Variants in PPP1R26 observed in about 807,000 individuals in gnomAD.
The protein encoded by PPP1R26 is 1A6/DRIM (down-regulated in metastasis) interacting protein.
In PPP1R26, 22 loss-of-function variants were observed where a neutral mutation model predicts 67.6. That is an observed-to-expected ratio of 0.33 (90% CI 0.23 to 0.46). The LOEUF is 0.46. Ranked by LOEUF, PPP1R26 falls within the 20% of genes least tolerant of loss-of-function variation. The pLI, the probability that PPP1R26 is intolerant of heterozygous loss-of-function variation, is 1.00. For missense variants in PPP1R26, 1,602 were observed against 1,651.4 expected, an observed-to-expected ratio of 0.97 and a Z score of 0.52; for synonymous variants, 729 against 717.2, an observed-to-expected ratio of 1.02 and a Z score of -0.26.
chr9:135,485,183 A>C lies in PPP1R26; in HGVS notation c.673A>C (p.Ser225Arg). ...GAGCAGCGATGACTCCTTCGAGCAG[A>C]GCATCAGGGCGGAAATAGAACAGTT... ...SVSSDDSFEQSIRAEIEQFLN... is the reference protein window; with the variant it reads ...SVSSDDSFEQRIRAEIEQFLN... Residue 225 changes from serine (S) to arginine (R), a missense_variant, in exon 4 of 4, where the codon AGC (serine) becomes CGC (arginine). Ser to Arg is a moderately radical substitution (Grantham distance 110, BLOSUM62 -1). Transcript: ENST00000356818. This position sits in a 1 kb window ranked among gnomAD's most constrained non-coding sequence, Gnocchi z 7.2. The C allele has an allele frequency of 6.2e-7, 1 of 1,612,884 alleles. No individual in the cohort carries two copies. Among genetic ancestry groups the C allele is most frequent in the Non-Finnish European group, 8.5e-7 (1 of 1,179,856 alleles).
Position 135,485,103 on chromosome 9 carries a change from C to T in PPP1R26, c.593C>T (p.Pro198Leu). 6.2e-7 allele frequency: 1 copy of T among 1,612,570 alleles called. No homozygotes were observed. Among genetic ancestry groups the T allele is most frequent in the Non-Finnish European group, 8.5e-7 (1 of 1,179,766 alleles). Reference protein sequence around the residue: ...PKLVPGSGGGPGSQVGSSKDQ... With the variant: ...PKLVPGSGGGLGSQVGSSKDQ... The stretch of plus-strand genomic sequence containing the variant: ...CTTGTACCTGGATCAGGTGGTGGCC[C>T]CGGCAGCCAGGTGGGATCCAGCAAG... Residue 198 changes from proline (P) to leucine (L), a missense_variant, in exon 4 of 4, where the codon CCC becomes CTC. By Grantham distance (98) the Pro-to-Leu change is moderately conservative (BLOSUM62 -3). Around this residue, in one of 5 missense-constraint regions of PPP1R26, gnomAD observed 680 missense variants for 726.1 expected, o/e 0.94. Coordinates refer to ENST00000356818, the MANE Select transcript of PPP1R26 (RefSeq NM_014811.5). The surrounding 1 kb of genome is among the most constrained non-coding windows in gnomAD (Gnocchi z 7.2).
Position 135,486,800 on chromosome 9 carries a change from G to T in PPP1R26, c.2290G>T (p.Gly764Cys). Residue 764 changes from glycine (G) to cysteine (C), a missense_variant, in exon 4 of 4, where the codon GGT (glycine) becomes TGT (cysteine). Around this residue, in one of 5 missense-constraint regions of PPP1R26, gnomAD observed 740 missense variants for 696.3 expected, o/e 1.06. Coordinates refer to ENST00000356818, the MANE Select transcript of PPP1R26 (RefSeq NM_014811.5). The surrounding 1 kb of genome is among the most constrained non-coding windows in gnomAD (Gnocchi z 6.2). ...LSKSKRDSGE[G>C]PGKKPPSVFG... ...CAAGTCCAAGAGAGACAGTGGCGAG[G>T]GTCCTGGGAAGAAACCCCCCAGTGT... 1 of 1,601,948 alleles carries T rather than the reference G, an allele frequency of 6.2e-7. No individual in the cohort carries two copies. The highest frequency in any genetic ancestry group is 2.3e-5 in the East Asian group (1 of 44,440).
rs550183464 is a variant in PPP1R26 at position 135,488,152 on chromosome 9, G to C, written c.*12G>C. On this transcript the variant is annotated 3_prime_UTR_variant, in exon 4 of 4. Coordinates refer to ENST00000356818, the MANE Select transcript of PPP1R26 (RefSeq NM_014811.5). ...TAGTGAAGGTCTAAGCCCTCGAGCTGTGGGTTCGCGTCCTGGGTTGCGTGC... is the reference window on the plus strand; with the variant it reads ...TAGTGAAGGTCTAAGCCCTCGAGCTCTGGGTTCGCGTCCTGGGTTGCGTGC... 6.7e-6 allele frequency: 10 copies of C among 1,497,288 alleles called. No individual in the cohort carries two copies. The African/African-American group carries it at 1.4e-4, about 21-fold the overall frequency. 92.8% of individuals were successfully genotyped at this position (1,497,288 alleles called of 1,614,324 possible).
At chr9:135,481,316 C>T (rs1044146798) in intron 1 of PPP1R26, among the ~76,000 whole-genome samples, 3 of 149,622 alleles carry the variant, frequency 2.0e-5, no homozygotes, top group Non-Finnish European at 4.4e-5. Flanking sequence ...TCTCGGCTCA[C>T]TGTAATCTCC....
chr9:135,482,167 A>T (rs1421976078), intron 1 of PPP1R26, among the ~76,000 whole-genome samples: 1 of 152,246 alleles, frequency 6.6e-6, no homozygotes, highest in African/African-American at 2.4e-5. Flanking sequence ...AGGAGTCAAT[A>T]GTCTTAATTT....
chr9:135,486,418 C>T lies in PPP1R26; in HGVS notation c.1908C>T (p.Asp636=). The T allele has an allele frequency of 1.9e-6, 3 of 1,613,078 alleles. No homozygotes were observed. Among genetic ancestry groups the T allele is most frequent in the Non-Finnish European group, 2.5e-6 (3 of 1,179,854 alleles). The part of the protein sequence containing the change: ...GRAEPGHERR[D]LPIQGKASEA... Reference sequence around the variant, plus strand: ...CTGAGCCCGGCCATGAGAGGCGAGACCTGCCCATCCAGGGCAAAGCCAGTG... The same window carrying T: ...CTGAGCCCGGCCATGAGAGGCGAGATCTGCCCATCCAGGGCAAAGCCAGTG... Residue 636 remains aspartate, a synonymous_variant, in exon 4 of 4, where the codon GAC becomes GAT. Transcript: ENST00000356818. The surrounding 1 kb of genome is among the most constrained non-coding windows in gnomAD (Gnocchi z 6.2).
chr9:135,487,103 G>C lies in PPP1R26; in HGVS notation c.2593G>C (p.Ala865Pro). The change falls in exon 4 of 4, where the codon GCT becomes CCT. Residue 865 changes from alanine to proline, a missense_variant. Around this residue, in one of 5 missense-constraint regions of PPP1R26, gnomAD observed 740 missense variants for 696.3 expected, o/e 1.06. Transcript: ENST00000356818. ...AGAAGTTCAGGCAGAGGGCCCCACC[G>C]CTCTTGGGACAGGGGGCCCAGCCAG... ...SSEVQAEGPT[A>P]LGTGGPARPE... is the part of the protein sequence containing the mutation. The C allele has an allele frequency of 6.2e-7, 1 of 1,611,548 alleles. No homozygotes were observed. Among genetic ancestry groups the C allele is most frequent in the South Asian group, 1.1e-5 (1 of 91,006 alleles).
chr9:135,487,325 C>T lies in PPP1R26; in HGVS notation c.2815C>T (p.Pro939Ser), dbSNP rs748442143. 7 of 1,555,568 alleles carry T rather than the reference C, an allele frequency of 4.5e-6. No homozygotes were observed. Among genetic ancestry groups the T allele is most frequent in the Non-Finnish European group, 6.1e-6 (7 of 1,152,930 alleles). Residue 939 changes from proline (P) to serine (S), a missense_variant, in exon 4 of 4, where the codon CCC becomes TCC. Coordinates refer to ENST00000356818, the MANE Select transcript of PPP1R26 (RefSeq NM_014811.5). ...AAPARGDPVP[P>S]RSTSGGVSAK... ...TCCTGCCCGAGGGGATCCGGTGCCG[C>T]CCAGGAGCACCAGCGGCGGTGTCTC...
In PPP1R26 at chr9:135,485,376, T is replaced by C. The variant is rs780369383; in HGVS notation, c.866T>C (p.Phe289Ser). The part of the protein sequence containing the change: ...GLLGVQKEFA[F>S]RKPPRLAKMN... ...CTGGGCGTCCAGAAGGAGTTTGCCT[T>C]CCGCAAACCTCCCCGGTTAGCGAAG... is the stretch of plus-strand genomic sequence containing the variant. Residue 289 changes from phenylalanine (F) to serine (S), a missense_variant, in exon 4 of 4, where the codon TTC becomes TCC. This residue lies in a region of PPP1R26 where 680 missense variants were observed against 726.1 expected (regional missense o/e 0.94). Coordinates refer to ENST00000356818, the MANE Select transcript of PPP1R26 (RefSeq NM_014811.5). This position sits in a 1 kb window ranked among gnomAD's most constrained non-coding sequence, Gnocchi z 7.2. 2 of 1,612,726 alleles carry C rather than the reference T, an allele frequency of 1.2e-6. No homozygotes were observed. Among genetic ancestry groups the C allele is most frequent in the Non-Finnish European group, 1.7e-6 (2 of 1,179,976 alleles).
chr9:135,482,738 T>G lies in PPP1R26; in HGVS notation c.-273T>G. On this transcript the variant is annotated 5_prime_UTR_variant, in exon 2 of 4. An upstream start codon of the reference 5' UTR is lost. Transcript: ENST00000356818. The stretch of plus-strand genomic sequence containing the variant: ...ATGCCTCGGTGTGTAAGTGGAGTGA[T>G]GAGGACCTGATCTCTGGGCCGTGTG... 1 of 398,610 alleles carries G rather than the reference T, an allele frequency of 2.5e-6. No homozygotes were observed. Among genetic ancestry groups the G allele is most frequent in the Non-Finnish European group, 4.4e-6 (1 of 226,072 alleles). 24.7% of individuals were successfully genotyped at this position (398,610 alleles called of 1,614,324 possible).
At chr9:135,481,570 G>A (rs1040679184) in intron 1 of PPP1R26, among the ~76,000 whole-genome samples, 1 of 151,000 alleles carries the variant, frequency 6.6e-6, no homozygotes, top group Admixed American at 6.6e-5. Flanking sequence ...GATTCATCTC[G>A]CATAATGTTT....
At position 135,485,030 on chromosome 9, in the gene PPP1R26, C is replaced by A; in HGVS notation, c.520C>A (p.Pro174Thr). The stretch of plus-strand genomic sequence containing the variant: ...CGCAGGCGGAGGCAGTAGATGTAAG[C>A]CGGAACCGGCTCACGGCAGTGCCCC... ...RAAGGGSRCK[P>T]EPAHGSAPTA... is the part of the protein sequence containing the mutation. The change falls in exon 4 of 4, where the codon CCG becomes ACG. Residue 174 changes from proline (P) to threonine (T), a missense_variant. Transcript: ENST00000356818. This position sits in a 1 kb window ranked among gnomAD's most constrained non-coding sequence, Gnocchi z 7.2. 1 of 1,593,750 alleles carries A rather than the reference C, an allele frequency of 6.3e-7. No homozygotes were observed. The highest frequency in any genetic ancestry group is 8.5e-7 in the Non-Finnish European group (1 of 1,171,136).
At position 135,485,486 on chromosome 9, in the gene PPP1R26, C is replaced by T. The variant is rs150290969; in HGVS notation, c.976C>T (p.Arg326Cys). 1.4e-4 allele frequency: 227 copies of T among 1,613,040 alleles called. 2 individuals carry two copies. The Admixed American group carries it at 1.8e-3, about 13-fold the overall frequency. The change falls in exon 4 of 4, where the codon CGC (arginine) becomes TGC (cysteine). Residue 326 changes from arginine to cysteine, a missense_variant. Physicochemically the swap from Arg to Cys is radical, Grantham distance 180 (BLOSUM62 -3). This residue lies in a region of PPP1R26 where 680 missense variants were observed against 726.1 expected (regional missense o/e 0.94). Coordinates refer to ENST00000356818, the MANE Select transcript of PPP1R26 (RefSeq NM_014811.5). This position sits in a 1 kb window ranked among gnomAD's most constrained non-coding sequence, Gnocchi z 7.2. ...CAGCACGAAGCCGGCAACCCCCTGC[C>T]GCCCTTCAGAAGCAGCACAGAATAA... ...EGSTKPATPC[R>C]PSEAAQNKGG...
In PPP1R26 at chr9:135,487,709, G is replaced by A. The variant is rs762400688; in HGVS notation, c.3199G>A (p.Ala1067Thr). 1.7e-5 allele frequency: 24 copies of A among 1,450,200 alleles called. No individual in the cohort carries two copies. Among genetic ancestry groups the A allele is most frequent in the African/African-American group, 4.3e-5 (3 of 69,990 alleles). The allele number at this position is 1,450,200 out of a possible 1,614,324, so 89.8% of individuals were successfully genotyped here. A position where few individuals can be genotyped will look rare whatever the true frequency, so the allele number is the denominator to read the frequency against. The part of the protein sequence containing the change: ...SERDKGSEGP[A>T]RGLPSLPLAG... ...GAGAGACAAGGGGTCCGAGGGCCCC[G>A]CCCGGGGCCTGCCCAGCCTGCCCCT... The change falls in exon 4 of 4, where the codon GCC becomes ACC. Residue 1067 changes from alanine (A) to threonine (T), a missense_variant. Physicochemically the swap from Ala to Thr is moderately conservative, Grantham distance 58 (BLOSUM62 0). Around this residue, in one of 5 missense-constraint regions of PPP1R26, gnomAD observed 740 missense variants for 696.3 expected, o/e 1.06. Coordinates refer to ENST00000356818, the MANE Select transcript of PPP1R26 (RefSeq NM_014811.5).
rs770114558 is a variant in PPP1R26 at position 135,487,955 on chromosome 9, G to T, written c.3445G>T (p.Ala1149Ser). The part of the protein sequence containing the change: ...KDGGPWPTRK[A>S]QAGLSLHDRR... ...CGGCGGCCCCTGGCCAACCAGGAAG[G>T]CACAGGCAGGGCTGAGTTTGCATGA... The change falls in exon 4 of 4, where the codon GCA (alanine) becomes TCA (serine). Residue 1149 changes from alanine (A) to serine (S), a missense_variant. Around this residue, in one of 5 missense-constraint regions of PPP1R26, gnomAD observed 740 missense variants for 696.3 expected, o/e 1.06. Transcript: ENST00000356818. The T allele has an allele frequency of 1.9e-6, 3 of 1,598,464 alleles. No homozygotes were observed. The highest frequency in any genetic ancestry group is 2.6e-6 in the Non-Finnish European group (3 of 1,173,896).
intron 1 of PPP1R26, among the ~76,000 whole-genome samples, chr9:135,481,723 A>T (rs1225774554): frequency 6.6e-6 from 1 of 151,724 alleles, no homozygotes; most frequent in Non-Finnish European, 1.5e-5. Context: ...GGTTCAAGCA[A>T]TTCTCCTGTC....
In PPP1R26 at chr9:135,487,235, G is replaced by A. The variant is rs752711822; in HGVS notation, c.2725G>A (p.Glu909Lys). The A allele has an allele frequency of 1.6e-5, 25 of 1,579,850 alleles. No homozygotes were observed. The highest frequency in any genetic ancestry group is 2.0e-5 in the Non-Finnish European group (23 of 1,164,958). The change falls in exon 4 of 4, where the codon GAG (glutamate) becomes AAG (lysine). Residue 909 changes from glutamate (E) to lysine (K), a missense_variant. Glu to Lys is a moderately conservative substitution (Grantham distance 56). Coordinates refer to ENST00000356818, the MANE Select transcript of PPP1R26 (RefSeq NM_014811.5). Reference sequence around the variant, plus strand: ...TCTGGCCGAAGGGCTTCGAGGCACAGAGAGCGCAGGAGCACAGGGCACAGC... The same window carrying A: ...TCTGGCCGAAGGGCTTCGAGGCACAAAGAGCGCAGGAGCACAGGGCACAGC... ...PHLAEGLRGT[E>K]SAGAQGTAGL...
At position 135,484,470 on chromosome 9, in the gene PPP1R26, T is replaced by G. The variant is rs1252946709; in HGVS notation, c.-41T>G. 6.8e-7 allele frequency: 1 copy of G among 1,468,044 alleles called. No homozygotes were observed. The highest frequency in any genetic ancestry group is 1.4e-5 in the African/African-American group (1 of 70,506). The allele number at this position is 1,468,044 out of a possible 1,614,324, so 90.9% of individuals were successfully genotyped here. ...CCAGGATGTGAAGCCGGTAGAGAAA[T>G]AAAGCATCGCCCCTCTGCGCGCCCC... On this transcript the variant is annotated 5_prime_UTR_variant, in exon 4 of 4. Coordinates refer to ENST00000356818, the MANE Select transcript of PPP1R26 (RefSeq NM_014811.5).
Position 135,487,633 on chromosome 9 carries a change from G to A in PPP1R26, c.3123G>A (p.Val1041=). Reference sequence around the variant, plus strand: ...AGAGTCGGCTGCCCAGCCCGTGGGTGCTGCGCTCCGAAGGCAGAGATGCAG... The same window carrying A: ...AGAGTCGGCTGCCCAGCCCGTGGGTACTGCGCTCCGAAGGCAGAGATGCAG... ...AHQSRLPSPW[V]LRSEGRDAVW... Residue 1041 remains valine (V), a synonymous_variant, in exon 4 of 4, where the codon GTG becomes GTA. Coordinates refer to ENST00000356818, the MANE Select transcript of PPP1R26 (RefSeq NM_014811.5). 2.7e-6 allele frequency: 4 copies of A among 1,479,866 alleles called. No homozygotes were observed. The highest frequency in any genetic ancestry group is 3.6e-6 in the Non-Finnish European group (4 of 1,115,018). The allele number at this position is 1,479,866 out of a possible 1,614,324, so 91.7% of individuals were successfully genotyped here.
Sources: gnomAD v4.1 joint callset for allele counts (sites outside exome capture counted in the v4.1 genomes callset) on GRCh38, gnomAD v4.1.1 for gene constraint, gnomAD v4.1.1 regional missense constraint, Gnocchi (gnomAD v3.1) non-coding constraint, MANE v1.5 for transcripts, NCBI Gene and HGNC (gene_info 2026-07-23, HGNC 2026-07-21) for gene names.